The following DOCK1 variants were observed in gnomAD, a reference collection of about 807,000 sequenced individuals.
The protein encoded by DOCK1 is dedicator of cytokinesis 1, also known as dedicator of cytokinesis protein 1.
Under a neutral mutation model 262.7 loss-of-function variants are expected in DOCK1, and 138 were observed. That is an observed-to-expected ratio of 0.53 (90% CI 0.46 to 0.61). The LOEUF (loss-of-function observed/expected upper bound fraction) is 0.61, where lower values mean the gene tolerates loss of function less well. Ranked by LOEUF, DOCK1 falls within the 20% of genes least tolerant of loss-of-function variation. The pLI, the probability that DOCK1 is intolerant of heterozygous loss-of-function variation, is 0.00. For missense variants in DOCK1, 1,908 were observed against 2,370.7 expected, an observed-to-expected ratio of 0.80 and a Z score of 4.05; for synonymous variants, 866 against 867.4, an observed-to-expected ratio of 1.00 and a Z score of 0.03.
intron 25 of DOCK1, among the ~76,000 whole-genome samples, chr10:127,115,830 C>A (rs2049146072): frequency 1.3e-5 from 2 of 152,242 alleles, no homozygotes; most frequent in South Asian, 4.1e-4. Context: ...CTGAATCTGA[C>A]AGCTTTGGGA....
Position 127,415,211 on chromosome 10 carries a change from G to A in DOCK1, c.4488G>A (p.Arg1496=). ...CATATAAATTACCTGGAATTTTAAG[G>A]TGGTTTGAGGTCAAGTCTGTTTTCA... ...TTAYKLPGIL[R]WFEVKSVFMV... is the part of the protein sequence containing the mutation. The change falls in exon 44 of 52, where the codon AGG becomes AGA. Residue 1496 remains arginine (R), a synonymous_variant. Coordinates refer to ENST00000623213, the MANE Select transcript of DOCK1 (RefSeq NM_001290223.2). The A allele has an allele frequency of 6.2e-7, 1 of 1,613,016 alleles. No individual in the cohort carries two copies. The highest frequency in any genetic ancestry group is 8.5e-7 in the Non-Finnish European group (1 of 1,179,798).
chr10:127,334,376 A>C (rs1438361598), intron 29 of DOCK1, among the ~76,000 whole-genome samples: 5 of 152,246 alleles, frequency 3.3e-5, no homozygotes, highest in African/African-American at 1.2e-4. Context: ...AATGTCCAGG[A>C]TAGGAAAGCT....
intron 29 of DOCK1, among the ~76,000 whole-genome samples, chr10:127,261,142 CGT>C (rs2060062182): frequency 1.8e-5 from 1 of 54,226 alleles, no homozygotes; most frequent in Non-Finnish European, 3.5e-5. Context: ...CATGTGTGTG[CGT>C]GTGTACCCGT....
chr10:126,920,408 C>T (rs2033062408), intron 1 of DOCK1, among the ~76,000 whole-genome samples: 1 of 152,174 alleles, frequency 6.6e-6, no homozygotes, highest in Admixed American at 6.5e-5. Context: ...GGAGATTGTG[C>T]TTGAGTCACG....
intron 27 of DOCK1, among the ~76,000 whole-genome samples, chr10:127,148,966 C>T (rs983195098): frequency 6.6e-6 from 1 of 152,070 alleles, no homozygotes; most frequent in African/African-American, 2.4e-5. Context: ...AGAAAGATCA[C>T]GTTTGGTACT....
chr10:127,187,556 A>G (rs769831320), intron 27 of DOCK1, among the ~76,000 whole-genome samples: 2 of 152,100 alleles, frequency 1.3e-5, no homozygotes, highest in Non-Finnish European at 2.9e-5. Context: ...TGGGTTTTTA[A>G]AGAGAGCATA....
intron 1 of DOCK1, among the ~76,000 whole-genome samples, chr10:126,942,516 C>A (rs923458055): frequency 5.9e-5 from 9 of 152,100 alleles, no homozygotes; most frequent in Admixed American, 6.5e-5. Flanking sequence ...TGAAGACCTA[C>A]AAGCGTTAGA....
chr10:126,953,297 AGTG>A (rs2036473618), intron 1 of DOCK1, among the ~76,000 whole-genome samples: 5 of 131,548 alleles, frequency 3.8e-5, no homozygotes, highest in African/African-American at 1.5e-4. Context: ...GTGTGGTGGT[AGTG>A]GTGATGGCAG....
intron 23 of DOCK1, 24 bp from the exon 24 acceptor site, chr10:127,106,207 G>C: frequency 6.4e-7 from 1 of 1,569,720 alleles, no homozygotes; most frequent in South Asian, 1.2e-5. Context: ...ATGCTGCTCA[G>C]CCTTCTTGTT....
chr10:127,061,943 T>TC (rs1201623705), intron 23 of DOCK1, among the ~76,000 whole-genome samples, 167 bp downstream of exon 23: 1 of 145,734 alleles, frequency 6.9e-6, no homozygotes, highest in Non-Finnish European at 1.5e-5. Context: ...TTTTTTTTTT[T>TC]TTTTTTTTTT....
At chr10:127,126,177 C>T (rs1284599695) in intron 26 of DOCK1, among the ~76,000 whole-genome samples, 1 of 151,704 alleles carries the variant, frequency 6.6e-6, no homozygotes, top group Non-Finnish European at 1.5e-5. Flanking sequence ...TCATGGCAAC[C>T]TCTGCCTCCC....
chr10:127,333,395 G>T (rs545897413), intron 29 of DOCK1, among the ~76,000 whole-genome samples: 37 of 152,310 alleles, frequency 2.4e-4, no homozygotes, highest in African/African-American at 8.9e-4. Flanking sequence ...TAACAGGGGT[G>T]CTAGAAGGGC....
intron 21 of DOCK1, among the ~76,000 whole-genome samples, chr10:127,045,250 A>C (rs1469264211): frequency 6.6e-6 from 1 of 151,472 alleles, no homozygotes; most frequent in Non-Finnish European, 1.5e-5. Context: ...AATCTATGGA[A>C]TCTGCTGAAA....
chr10:127,297,491 G>A (rs867492704), intron 29 of DOCK1, among the ~76,000 whole-genome samples: 17 of 150,822 alleles, frequency 1.1e-4, no homozygotes, highest in Admixed American at 2.0e-4. Context: ...GATAGGCAGT[G>A]AGCACAGAAG....
At chr10:126,910,908 T>C (rs1335692064) in intron 1 of DOCK1, among the ~76,000 whole-genome samples, 1 of 152,174 alleles carries the variant, frequency 6.6e-6, no homozygotes, top group African/African-American at 2.4e-5. Flanking sequence ...TTCTTTTCTT[T>C]GCTGAGTATC....
At chr10:127,202,353 G>A (rs891577413) in intron 27 of DOCK1, among the ~76,000 whole-genome samples, 2 of 151,976 alleles carry the variant, frequency 1.3e-5, no homozygotes, top group Admixed American at 1.3e-4. Context: ...GGACAGGAAG[G>A]GGTAAGAATG....
At chr10:126,998,443 C>G in intron 8 of DOCK1, 194 bp downstream of exon 8, 1 of 607,330 alleles carries the variant, frequency 1.6e-6, no homozygotes, top group East Asian at 2.8e-5. Flanking sequence ...CAGGGTGAAC[C>G]TTCTTGCGTG....
chr10:127,421,961 T>C (rs886166583), intron 46 of DOCK1, among the ~76,000 whole-genome samples: 1 of 152,112 alleles, frequency 6.6e-6, no homozygotes, highest in Non-Finnish European at 1.5e-5. Context: ...CCTGCTCAAG[T>C]CCCTGCTTTC....
At chr10:126,985,148 T>C (rs896724056) in intron 4 of DOCK1, among the ~76,000 whole-genome samples, 18 of 151,566 alleles carry the variant, frequency 1.2e-4, no homozygotes, top group African/African-American at 4.4e-4. Flanking sequence ...GCCTGGCTAA[T>C]TTTTGTATTT....
Sources: gnomAD v4.1 joint callset for allele counts (sites outside exome capture counted in the v4.1 genomes callset) on GRCh38, gnomAD v4.1.1 for gene constraint, MANE v1.5 for transcripts, NCBI Gene and HGNC (gene_info 2026-07-23, HGNC 2026-07-21) for gene names.